Variants in EXOC6B observed in about 807,000 individuals in gnomAD.
EXOC6B encodes the protein SEC15 homolog B.
EXOC6B carries 54 observed loss-of-function variants against 113.5 expected under a neutral mutation model. That is an observed-to-expected ratio of 0.48 (90% confidence interval 0.38 to 0.60). The LOEUF is 0.60. Among genes scored for constraint, EXOC6B ranks in the 20% least tolerant of loss-of-function variants. The pLI is 0.00. For synonymous variants in EXOC6B, 357 were observed against 339.0 expected, an observed-to-expected ratio of 1.05 and a Z score of -0.58; for missense variants, 797 against 977.5, an observed-to-expected ratio of 0.82 and a Z score of 2.46.
chr2:72,562,072 G>A (rs536295587), intron 7 of EXOC6B, among the ~76,000 whole-genome samples: 1 of 152,202 alleles, frequency 6.6e-6, no homozygotes, highest in African/African-American at 2.4e-5. Context: ...AGAACACTAG[G>A]AATGAACACT....
intron 1 of EXOC6B, among the ~76,000 whole-genome samples, chr2:72,791,920 G>C (rs941767324): frequency 2.0e-5 from 3 of 152,154 alleles, no homozygotes; most frequent in Admixed American, 6.5e-5. Flanking sequence ...CTGAAACATA[G>C]ATTCCAAATA....
At chr2:72,743,223 G>T (rs2104822139) in intron 1 of EXOC6B, among the ~76,000 whole-genome samples, 1 of 152,188 alleles carries the variant, frequency 6.6e-6, no homozygotes, top group African/African-American at 2.4e-5. Flanking sequence ...ATGGACCAAT[G>T]CAACAGCCTC....
chr2:72,438,136 C>T (rs976027338), intron 18 of EXOC6B, among the ~76,000 whole-genome samples: 26 of 151,944 alleles, frequency 1.7e-4, no homozygotes, highest in South Asian at 6.2e-4. Context: ...AAGCTGTACA[C>T]GTGATAATAA....
intron 20 of EXOC6B, among the ~76,000 whole-genome samples, chr2:72,193,309 C>T (rs374273014): frequency 6.6e-6 from 1 of 152,060 alleles, no homozygotes; most frequent in African/African-American, 2.4e-5. Flanking sequence ...TAGAATTGAC[C>T]AATGACCCAT....
intron 18 of EXOC6B, among the ~76,000 whole-genome samples, chr2:72,405,936 G>A (rs139420426): frequency 0.013 from 1,952 of 152,294 alleles, 12 homozygotes; most frequent in Non-Finnish European, 0.019. Context: ...AGACCCATCA[G>A]TGTGCTGCAT....
intron 1 of EXOC6B, among the ~76,000 whole-genome samples, chr2:72,755,860 G>GA (rs200629454): frequency 0.016 from 2,449 of 152,188 alleles, 85 homozygotes; most frequent in African/African-American, 0.057. Flanking sequence ...CGGGCTTTTA[G>GA]AAAAAATTGC....
chr2:72,225,774 T>G (rs1195321094), intron 20 of EXOC6B, among the ~76,000 whole-genome samples: 1 of 152,224 alleles, frequency 6.6e-6, no homozygotes, highest in East Asian at 1.9e-4. Flanking sequence ...AACTATATAT[T>G]GGGCATTATT....
chr2:72,420,266 C>T (rs1167676827), intron 18 of EXOC6B, among the ~76,000 whole-genome samples: 2 of 151,442 alleles, frequency 1.3e-5, no homozygotes, highest in African/African-American at 4.9e-5. Context: ...ACTTTAAGTT[C>T]TGGGGTACAT....
intron 3 of EXOC6B, among the ~76,000 whole-genome samples, 195 bp from the exon 4 acceptor site, chr2:72,731,440 A>G (rs553870005): frequency 1.3e-5 from 2 of 152,326 alleles, no homozygotes; most frequent in African/African-American, 4.8e-5. Context: ...TCTCCCCAAG[A>G]TACATACAAT....
intron 8 of EXOC6B, among the ~76,000 whole-genome samples, chr2:72,524,266 T>C (rs1232130388): frequency 6.6e-6 from 1 of 151,774 alleles, no homozygotes; most frequent in Non-Finnish European, 1.5e-5. Flanking sequence ...CACTTCACCA[T>C]ATGGCTAATT....
intron 16 of EXOC6B, among the ~76,000 whole-genome samples, chr2:72,483,784 A>G (rs961561815): frequency 1.3e-5 from 2 of 152,252 alleles, no homozygotes; most frequent in Non-Finnish European, 2.9e-5. Flanking sequence ...AAATTGAAAG[A>G]TAAAATGAAG....
At chr2:72,821,529 T>G (rs1686581966) in intron 1 of EXOC6B, among the ~76,000 whole-genome samples, 1 of 152,128 alleles carries the variant, frequency 6.6e-6, no homozygotes, top group South Asian at 2.1e-4. Context: ...CAAATGGCCA[T>G]GGCAGCATTG....
At chr2:72,622,074 T>C (rs935243062) in intron 6 of EXOC6B, among the ~76,000 whole-genome samples, 6 of 151,818 alleles carry the variant, frequency 4.0e-5, no homozygotes, top group African/African-American at 1.4e-4. Context: ...ATTATATTGG[T>C]ATAGAAAAAA....
At chr2:72,458,699 G>C (rs2105387449) in intron 18 of EXOC6B, among the ~76,000 whole-genome samples, 1 of 152,130 alleles carries the variant, frequency 6.6e-6, no homozygotes, top group East Asian at 1.9e-4. Flanking sequence ...ACCTCAATTA[G>C]TTATTTACAG....
At chr2:72,532,105 C>A (rs1702037902) in intron 8 of EXOC6B, among the ~76,000 whole-genome samples, 1 of 152,110 alleles carries the variant, frequency 6.6e-6, no homozygotes, top group Non-Finnish European at 1.5e-5. Flanking sequence ...ACCCCAGGAT[C>A]AAAAGGGAAA....
intron 6 of EXOC6B, among the ~76,000 whole-genome samples, chr2:72,590,436 T>C (rs1477382496): frequency 6.6e-6 from 1 of 151,780 alleles, no homozygotes; most frequent in Admixed American, 6.6e-5. Flanking sequence ...AAGAAAACAA[T>C]ATGTTACTAT....
intron 8 of EXOC6B, among the ~76,000 whole-genome samples, chr2:72,520,877 C>G (rs1701445770): frequency 1.3e-5 from 2 of 152,076 alleles, no homozygotes; most frequent in African/African-American, 4.8e-5. Context: ...TTTGAATATT[C>G]TCCAGCACAG....
rs368956522 is a variant in EXOC6B, at chr2:72,824,620, G to C, written c.113+1178C>G. The stretch of plus-strand genomic sequence containing the variant: ...GTCAACTTACCCCAAGAAAACGCAA[G>C]CAGTGAGTAATAACTTTTCTGATGG... On this transcript the variant is annotated intron_variant, in intron 1 of 21. Transcript: ENST00000272427. 5.3e-5 allele frequency among the ~76,000 whole-genome samples: 8 copies of C among 152,230 alleles called. 1 individual carries two copies. The highest frequency in any genetic ancestry group is 1.9e-4 in the African/African-American group (8 of 41,554).
At chr2:72,485,338 A>G (rs1368379826) in intron 16 of EXOC6B, among the ~76,000 whole-genome samples, 2 of 152,254 alleles carry the variant, frequency 1.3e-5, no homozygotes, top group Non-Finnish European at 2.9e-5. Flanking sequence ...CAAAACAGAC[A>G]ATTCAGTACA....
Sources: gnomAD v4.1 joint callset for allele counts (sites outside exome capture counted in the v4.1 genomes callset) on GRCh38, gnomAD v4.1.1 for gene constraint, MANE v1.5 for transcripts, NCBI Gene and HGNC (gene_info 2026-07-23, HGNC 2026-07-21) for gene names.